QRICH2: variants seen among roughly 807,000 people sequenced by gnomAD.
QRICH2 encodes glutamine-rich protein 2.
QRICH2 carries 119 observed loss-of-function variants against 168.3 expected under a neutral mutation model. That is an observed-to-expected ratio of 0.71 (90% confidence interval 0.61 to 0.82). The LOEUF is 0.82. Among genes scored for constraint, QRICH2 ranks in the 40% least tolerant of loss-of-function variants. The pLI, the probability that QRICH2 is intolerant of heterozygous loss-of-function variation, is 0.00. For missense variants in QRICH2, 2,241 were observed against 2,491.6 expected (o/e 0.90, Z 2.14); for synonymous variants, 894 against 951.2 (o/e 0.94, Z 1.11).
intron 1 of QRICH2, among the ~76,000 whole-genome samples, chr17:76,305,165 C>CT (rs371179936): frequency 0.14 from 18,391 of 129,936 alleles, 1,394 homozygotes; most frequent in South Asian, 0.2. Flanking sequence ...TTTTGGTTTC[C>CT]TTTTTTTTTT....
In QRICH2 at chr17:76,294,009, G is replaced by C; in HGVS notation, c.718C>G (p.Leu240Val). Residue 240 changes from leucine to valine, a missense_variant, in exon 4 of 19, where the codon CTT becomes GTT. This residue lies in a region of QRICH2 where 2,047 missense variants were observed against 2,303.8 expected (regional missense o/e 0.89). Transcript: ENST00000680821. ...CCTCCGTGCTTAGAAAATCCCATAAGTGTTTCTGAGCCCTGGTTGGAGAGG... is the reference window on the plus strand; with the variant it reads ...CCTCCGTGCTTAGAAAATCCCATAACTGTTTCTGAGCCCTGGTTGGAGAGG... ...WRASQAGSET[L>V]MGFSKHGGFT... The C allele has an allele frequency of 6.2e-7, 1 of 1,603,306 alleles. No homozygotes were observed. Among genetic ancestry groups the C allele is most frequent in the Non-Finnish European group, 8.5e-7 (1 of 1,172,842 alleles).
chr17:76,300,023 G>A (rs1287009011), intron 3 of QRICH2, among the ~76,000 whole-genome samples: 2 of 151,822 alleles, frequency 1.3e-5, no homozygotes, highest in Non-Finnish European at 2.9e-5. Flanking sequence ...GTAGAGACGG[G>A]GTTTCACCAT....
At position 76,280,752 on chromosome 17, in the gene QRICH2, A is replaced by C. The variant is rs773729607; in HGVS notation, c.4387-24T>G. 2.5e-6 allele frequency: 4 copies of C among 1,613,968 alleles called. No individual in the cohort carries two copies. On this transcript the variant is annotated intron_variant, in intron 9 of 18. Coordinates refer to ENST00000680821, the MANE Select transcript of QRICH2 (RefSeq NM_001388453.1). This position sits in a 1 kb window ranked among gnomAD's most constrained non-coding sequence, Gnocchi z 7.4. ...ATCTGGGGAGGCCAAGTGAACAGAG[A>C]AAAAAAGAGCCAGCAGCTGCGGGGC... is the stretch of plus-strand genomic sequence containing the variant.
chr17:76,280,240 G>A lies in QRICH2; in HGVS notation c.4626+47C>T. 11 of 1,610,104 alleles carry A rather than the reference G, an allele frequency of 6.8e-6. No homozygotes were observed. The highest frequency in any genetic ancestry group is 7.6e-6 in the Non-Finnish European group (9 of 1,177,578). ...GAGAAGGTGGTGCTGTCCCGATCCTGGGGGCAAGGCTGTGGGATGGAGAGC... is the reference window on the plus strand; with the variant it reads ...GAGAAGGTGGTGCTGTCCCGATCCTAGGGGCAAGGCTGTGGGATGGAGAGC... On this transcript the variant is annotated intron_variant, in intron 11 of 18. Coordinates refer to ENST00000680821, the MANE Select transcript of QRICH2 (RefSeq NM_001388453.1). This position sits in a 1 kb window ranked among gnomAD's most constrained non-coding sequence, Gnocchi z 7.4.
At chr17:76,294,974 G>A (rs900641847) in intron 3 of QRICH2, among the ~76,000 whole-genome samples, 1 of 150,922 alleles carries the variant, frequency 6.6e-6, no homozygotes, top group Non-Finnish European at 1.5e-5. Flanking sequence ...GCTCATGCCT[G>A]TAATCCCAGC....
Position 76,307,848 on chromosome 17 carries a change from G to A in QRICH2, c.151C>T (p.Gln51Ter). The A allele has an allele frequency of 7.8e-7, 1 of 1,280,662 alleles. No homozygotes were observed. Among genetic ancestry groups the A allele is most frequent in the Non-Finnish European group, 9.8e-7 (1 of 1,015,772 alleles). 79.3% of individuals were successfully genotyped at this position (1,280,662 alleles called of 1,614,324 possible). A position where few individuals can be genotyped will look rare whatever the true frequency, so the allele number is the denominator to read the frequency against. ...CGGCTGGGCTCGGGCGACGAGGGCT[G>A]GAAGTCGATCCGGGTATTTTGGAGG... ...LDLQNTRIDF[Q>*]PSSPEPSRSL... The change falls in exon 1 of 19, where the codon CAG becomes TAG. Residue 51 changes from glutamine (Q) to a stop codon, truncating the protein, a stop_gained. Coordinates refer to ENST00000680821, the MANE Select transcript of QRICH2 (RefSeq NM_001388453.1). LOFTEE classifies it high-confidence loss of function. The surrounding 1 kb of genome is among the most constrained non-coding windows in gnomAD (Gnocchi z 5.3).
At chr17:76,308,440 C>G, upstream of QRICH2, 1 of 985,398 alleles carries the variant, frequency 1.0e-6, no homozygotes, top group Non-Finnish European at 1.2e-6. Context: ...CCATCCATCC[C>G]CTTAACCTAG....
At chr17:76,298,304 G>A (rs1343938018) in intron 3 of QRICH2, among the ~76,000 whole-genome samples, 10 of 146,534 alleles carry the variant, frequency 6.8e-5, no homozygotes, top group Admixed American at 4.9e-4. Context: ...TCAGCCTCCC[G>A]AGTAGCTGGG....
At chr17:76,308,506 T>A, upstream of QRICH2, 2 of 985,348 alleles carry the variant, frequency 2.0e-6, no homozygotes, top group Non-Finnish European at 2.4e-6. Flanking sequence ...ACTTGAGGGT[T>A]TCCTGGCAAC....
Position 76,274,234 on chromosome 17 carries a change from GTCTA to G in QRICH2, c.5505_5508del (p.Arg1836LeufsTer57), listed in dbSNP as rs751705702. 12 of 1,594,480 alleles carry G rather than the reference GTCTA, an allele frequency of 7.5e-6. No homozygotes were observed. In the Middle Eastern group the frequency reaches 8.3e-4, roughly 111 times the overall value. ...TGGGAGAGACGGCCCTCGGAGGAAG[GTCTA>G]TCTTTCTGTTGACGAGAAGAAACTG... is the stretch of plus-strand genomic sequence containing the variant. On this transcript the variant is annotated frameshift_variant, in exon 19 of 19. Transcript: ENST00000680821. LOFTEE classifies it low-confidence loss of function (END_TRUNC).
At position 76,307,162 on chromosome 17, in the gene QRICH2, G is replaced by A. The variant is rs1194476381; in HGVS notation, c.534+303C>T. On this transcript the variant is annotated intron_variant, in intron 1 of 18. Transcript: ENST00000680821. This position sits in a 1 kb window ranked among gnomAD's most constrained non-coding sequence, Gnocchi z 5.3. ...TCCCGTAAACAGGGGCTAGGAAGGA[G>A]GGGGTGGGATGGGGCCACTACACTT... Among the ~76,000 whole-genome samples the A allele has an allele frequency of 6.6e-6, 1 of 152,210 alleles. No individual in the cohort carries two copies. Among genetic ancestry groups the A allele is most frequent in the Non-Finnish European group, 1.5e-5 (1 of 68,026 alleles).
At position 76,291,215 on chromosome 17, in the gene QRICH2, A is replaced by T; in HGVS notation, c.3512T>A (p.Val1171Asp). Reference sequence around the variant, plus strand: ...TCGCTCACTCAGGACTTCACTCGAGACTTCGCTCCCTTCTGATAAGACTCG... The same window carrying T: ...TCGCTCACTCAGGACTTCACTCGAGTCTTCGCTCCCTTCTGATAAGACTCG... ...VDRVLSEGSE[V>D]SSEVLSERRN... is the part of the protein sequence containing the mutation. The change falls in exon 4 of 19, where the codon GTC (valine) becomes GAC (aspartate). Residue 1171 changes from valine (V) to aspartate (D), a missense_variant. By Grantham distance (152) the Val-to-Asp change is radical. Around this residue, in one of 3 missense-constraint regions of QRICH2, gnomAD observed 2,047 missense variants for 2,303.8 expected, o/e 0.89. Transcript: ENST00000680821. 1 of 1,614,128 alleles carries T rather than the reference A, an allele frequency of 6.2e-7. No homozygotes were observed. Among genetic ancestry groups the T allele is most frequent in the Non-Finnish European group, 8.5e-7 (1 of 1,180,034 alleles).
intron 7 of QRICH2, among the ~76,000 whole-genome samples, chr17:76,283,081 T>G (rs937457105): frequency 2.0e-5 from 3 of 152,120 alleles, no homozygotes; most frequent in Admixed American, 1.3e-4. Context: ...GGCCTACAGC[T>G]GCACATCCCC....
chr17:76,296,969 A>G (rs1346100673), intron 3 of QRICH2, among the ~76,000 whole-genome samples: 2 of 152,120 alleles, frequency 1.3e-5, no homozygotes, highest in African/African-American at 2.4e-5. Context: ...CCTGCCTGCC[A>G]TGGGGCTGGA....
intron 1 of QRICH2, among the ~76,000 whole-genome samples, chr17:76,306,801 C>T (rs2070997485): frequency 6.6e-6 from 1 of 151,884 alleles, no homozygotes; most frequent in East Asian, 1.9e-4. Flanking sequence ...GCAGGAGAAT[C>T]GCTTGAGTCT....
intron 12 of QRICH2, 102 bp downstream of exon 12, chr17:76,279,931 G>C (rs921606778): frequency 1.5e-6 from 2 of 1,369,030 alleles, no homozygotes; most frequent in African/African-American, 2.9e-5. Context: ...GGCAGGATCC[G>C]CTGTGTGCTG....
At chr17:76,290,255 T>G (rs1002569259) in intron 4 of QRICH2, among the ~76,000 whole-genome samples, 178 bp from the exon 5 acceptor site, 3 of 152,174 alleles carry the variant, frequency 2.0e-5, no homozygotes, top group African/African-American at 7.2e-5. Context: ...AGAGCTGTCC[T>G]TAGCCCATGA....
In QRICH2 at chr17:76,281,935, C is replaced by A; in HGVS notation, c.4192G>T (p.Glu1398Ter). 1 of 1,613,882 alleles carries A rather than the reference C, an allele frequency of 6.2e-7. No individual in the cohort carries two copies. Among genetic ancestry groups the A allele is most frequent in the South Asian group, 1.1e-5 (1 of 91,082 alleles). ...HQVSTLVRRY[E>*]QLQDMVNSLA... ...CTGTTGACCATGTCTTGGAGTTGCT[C>A]ATAGCGCCGCACCAGCGTGCTGACC... The change falls in exon 8 of 19, where the codon GAG (glutamate) becomes TAG (stop). Residue 1398 changes from glutamate (E) to a stop codon, truncating the protein, a stop_gained. Transcript: ENST00000680821. LOFTEE classifies it high-confidence loss of function. The surrounding 1 kb of genome is among the most constrained non-coding windows in gnomAD (Gnocchi z 4.4).
intron 7 of QRICH2, among the ~76,000 whole-genome samples, chr17:76,285,494 C>T (rs1331811868): frequency 1.3e-5 from 2 of 151,692 alleles, no homozygotes; most frequent in African/African-American, 2.4e-5. Flanking sequence ...TCTCCAACTC[C>T]TGACCTCAAG....
Sources: gnomAD v4.1 joint callset for allele counts (sites outside exome capture counted in the v4.1 genomes callset) on GRCh38, gnomAD v4.1.1 for gene constraint, gnomAD v4.1.1 regional missense constraint, Gnocchi (gnomAD v3.1) non-coding constraint, MANE v1.5 for transcripts, NCBI Gene and HGNC (gene_info 2026-07-23, HGNC 2026-07-21) for gene names.